The following IFT74 variants were observed in gnomAD, a reference collection of about 807,000 sequenced individuals.
The protein encoded by IFT74 is intraflagellar transport protein 74 homolog.
IFT74 carries 92 observed loss-of-function variants against 96.7 expected under a neutral mutation model. The ratio of observed to expected loss-of-function variants is 0.95; its 90% CI spans 0.80 to 1.13. The LOEUF (loss-of-function observed/expected upper bound fraction) is 1.13. IFT74 is among the 50% of genes most tolerant of loss of function. The pLI is 0.00. For synonymous variants in IFT74, 223 were observed against 213.2 expected (o/e 1.05, Z -0.40); for missense variants, 811 against 698.2 (o/e 1.16, Z -1.82).
intron 14 of IFT74, among the ~76,000 whole-genome samples, chr9:27,046,368 G>T (rs939186321): frequency 3.3e-5 from 5 of 152,056 alleles, no homozygotes; most frequent in African/African-American, 1.2e-4. Context: ...AAAGTATAAT[G>T]GGAATCCATT....
intron 8 of IFT74, among the ~76,000 whole-genome samples, chr9:26,999,314 T>C (rs943483216): frequency 5.9e-5 from 9 of 152,176 alleles, no homozygotes; most frequent in African/African-American, 2.2e-4. Context: ...CTCTCATAAA[T>C]ATGTGCTTTT....
chr9:27,006,710 G>A (rs1173235094), intron 8 of IFT74, among the ~76,000 whole-genome samples: 1 of 150,594 alleles, frequency 6.6e-6, no homozygotes, highest in Non-Finnish European at 1.5e-5. Context: ...GGGAGGAAAA[G>A]GAAGGAAGGA....
At chr9:26,971,726 G>T (rs1826887046) in intron 2 of IFT74, among the ~76,000 whole-genome samples, 1 of 152,138 alleles carries the variant, frequency 6.6e-6, no homozygotes, top group Non-Finnish European at 1.5e-5. Context: ...CTGGCAGCTG[G>T]AGATTGTTTA....
chr9:26,998,013 T>C, intron 8 of IFT74: 1 of 1,613,894 alleles, frequency 6.2e-7, no homozygotes, highest in Non-Finnish European at 8.5e-7. Flanking sequence ...TTTCTACAGA[T>C]ATTTAAAATT....
chr9:27,015,098 A>G (rs1446306392), intron 10 of IFT74, among the ~76,000 whole-genome samples: 2 of 152,244 alleles, frequency 1.3e-5, no homozygotes, highest in Admixed American at 1.3e-4. Context: ...TTCCAGAACA[A>G]TTTTATCAAG....
chr9:26,951,889 C>G (rs1412353785), upstream of IFT74, among the ~76,000 whole-genome samples: 3 of 152,012 alleles, frequency 2.0e-5, no homozygotes, highest in African/African-American at 7.2e-5. Flanking sequence ...AACAGCAAGA[C>G]TCTCTCAAAA....
In IFT74 at chr9:27,013,987, A is replaced by G. The variant is rs192659330; in HGVS notation, c.789+2019A>G. On this transcript the variant is annotated intron_variant, in intron 10 of 19. Transcript: ENST00000380062. Reference sequence around the variant, plus strand: ...TCCCAGCACTTTGGGAGGCCAAGGCAGGCAGATCACAAGGTCAGGAGATCG... The same window carrying G: ...TCCCAGCACTTTGGGAGGCCAAGGCGGGCAGATCACAAGGTCAGGAGATCG... Among the ~76,000 whole-genome samples, 831 of 152,306 alleles carry G rather than the reference A, an allele frequency of 5.5e-3. 5 individuals are homozygous for G. Among genetic ancestry groups the G allele is most frequent in the African/African-American group, 0.018 (769 of 41,570 alleles).
At chr9:26,998,623 T>C (rs897966847) in intron 8 of IFT74, among the ~76,000 whole-genome samples, 2 of 152,202 alleles carry the variant, frequency 1.3e-5, no homozygotes, top group Admixed American at 6.5e-5. Flanking sequence ...AGTGAGGAAA[T>C]TATTTTAAAC....
intron 13 of IFT74, among the ~76,000 whole-genome samples, chr9:27,043,182 C>T (rs1322253597): frequency 1.3e-5 from 2 of 152,104 alleles, no homozygotes; most frequent in African/African-American, 4.8e-5. Flanking sequence ...GAATTTGTGA[C>T]CATTAGGTAT....
intron 12 of IFT74, among the ~76,000 whole-genome samples, chr9:27,027,205 A>G (rs1257150743): frequency 1.3e-5 from 2 of 152,212 alleles, no homozygotes; most frequent in Non-Finnish European, 1.5e-5. Flanking sequence ...CGCACAAACT[A>G]GAAAACTTAG....
intron 8 of IFT74, among the ~76,000 whole-genome samples, chr9:27,003,100 G>T (rs1220929212): frequency 1.3e-5 from 2 of 151,940 alleles, no homozygotes; most frequent in East Asian, 3.9e-4. Context: ...TTCACTGTTG[G>T]CATATCTAAA....
At chr9:26,968,208 A>G (rs1423391621) in intron 2 of IFT74, among the ~76,000 whole-genome samples, 1 of 151,776 alleles carries the variant, frequency 6.6e-6, no homozygotes, top group Non-Finnish European at 1.5e-5. Context: ...CTCAGCAGTG[A>G]AGTCATCAGG....
intron 13 of IFT74, among the ~76,000 whole-genome samples, chr9:27,034,963 G>A (rs1819102708): frequency 6.6e-6 from 1 of 152,068 alleles, no homozygotes; most frequent in Non-Finnish European, 1.5e-5. Context: ...TCTTTAAAAT[G>A]GAGGTAATTA....
chr9:26,992,961 G>A (rs1390586774), intron 8 of IFT74, among the ~76,000 whole-genome samples: 2 of 152,116 alleles, frequency 1.3e-5, no homozygotes, highest in Non-Finnish European at 2.9e-5. Context: ...TAAAAAGTTG[G>A]TTATAATAAA....
Position 26,947,487 on chromosome 9 carries a change from CTACA to C in IFT74, c.-20+342_-20+345del, listed in dbSNP as rs577209557. 34 of 160,194 alleles carry C rather than the reference CTACA, an allele frequency of 2.1e-4. No homozygotes were observed. The South Asian group carries it at 3.4e-3, about 16-fold the overall frequency. The allele number at this position is 160,194 out of a possible 1,614,324, so 9.9% of individuals were successfully genotyped here. On this transcript the variant is annotated intron_variant, in intron 1 of 19. Coordinates refer to the IFT74 transcript ENST00000433700. ...TGGTAAATCGGGAAGCGGGCCGGGA[CTACA>C]ATTCCCATAATGCCGCGCCAGCTGG...
intron 18 of IFT74, among the ~76,000 whole-genome samples, chr9:27,059,677 A>G (rs1427939384): frequency 1.3e-5 from 2 of 152,236 alleles, no homozygotes; most frequent in Non-Finnish European, 2.9e-5. Context: ...AGTTCACATA[A>G]TTAATTAGCT....
At chr9:26,975,865 CT>C (rs954643271) in intron 2 of IFT74, among the ~76,000 whole-genome samples, 1 of 152,210 alleles carries the variant, frequency 6.6e-6, no homozygotes, top group Non-Finnish European at 1.5e-5. Context: ...CCTTCTTTCG[CT>C]TTTTCCACTC....
chr9:26,964,783 C>G (rs1041301629), intron 2 of IFT74, among the ~76,000 whole-genome samples: 10 of 152,080 alleles, frequency 6.6e-5, no homozygotes, highest in African/African-American at 1.9e-4. Context: ...GTACAGTACT[C>G]TAATGTAAAA....
intron 1 of IFT74, among the ~76,000 whole-genome samples, chr9:26,961,613 G>A (rs981818911): frequency 4.6e-5 from 7 of 152,198 alleles, no homozygotes; most frequent in African/African-American, 1.4e-4. Context: ...GGACCAGAAA[G>A]TGCAGAGAAA....
Sources: gnomAD v4.1 joint callset for allele counts (sites outside exome capture counted in the v4.1 genomes callset) on GRCh38, gnomAD v4.1.1 for gene constraint, MANE v1.5 for transcripts, NCBI Gene and HGNC (gene_info 2026-07-23, HGNC 2026-07-21) for gene names.